The following MAP4K3 variants were observed in gnomAD, a reference collection of about 807,000 sequenced individuals.
MAP4K3 encodes the protein mitogen-activated protein kinase kinase kinase kinase 3, also known as MAPK/ERK kinase kinase kinase 3.
MAP4K3 carries 94 observed loss-of-function variants against 143.5 expected under a neutral mutation model. The ratio of observed to expected loss-of-function variants is 0.65; its 90% CI spans 0.55 to 0.78. The LOEUF (loss-of-function observed/expected upper bound fraction) is 0.78. Ranked by LOEUF, MAP4K3 falls within the 30% of genes least tolerant of loss-of-function variation. The pLI is 0.00. For missense variants in MAP4K3, 1,077 were observed against 1,068.1 expected, an observed-to-expected ratio of 1.01 and a Z score of -0.12; for synonymous variants, 416 against 347.2, an observed-to-expected ratio of 1.20 and a Z score of -2.20.
intron 1 of MAP4K3, among the ~76,000 whole-genome samples, chr2:39,424,761 G>T (rs1389756482): frequency 6.7e-6 from 1 of 149,518 alleles, no homozygotes; most frequent in East Asian, 2.0e-4. Flanking sequence ...AGCCCAGGAG[G>T]TTGAGGCTGC....
intron 2 of MAP4K3, among the ~76,000 whole-genome samples, chr2:39,362,328 A>G (rs149968760): frequency 3.1e-4 from 47 of 152,316 alleles, no homozygotes; most frequent in Middle Eastern, 6.8e-3. Flanking sequence ...ATGACATTGC[A>G]TATAGAAAGC....
At chr2:39,299,098 G>C (rs1423406432) in intron 16 of MAP4K3, among the ~76,000 whole-genome samples, 1 of 151,628 alleles carries the variant, frequency 6.6e-6, no homozygotes, top group Non-Finnish European at 1.5e-5. Flanking sequence ...CACAAACTTA[G>C]AAAATGAGAC....
At chr2:39,424,513 A>G (rs1429051756) in intron 1 of MAP4K3, among the ~76,000 whole-genome samples, 2 of 152,112 alleles carry the variant, frequency 1.3e-5, no homozygotes, top group Non-Finnish European at 2.9e-5. Context: ...CTGTGCCTTC[A>G]GTAAAGCAAA....
intron 1 of MAP4K3, among the ~76,000 whole-genome samples, chr2:39,393,441 T>C (rs1250368359): frequency 2.0e-5 from 3 of 152,218 alleles, no homozygotes; most frequent in South Asian, 4.1e-4. Flanking sequence ...AACCTATCCA[T>C]TTCAGAATCC....
chr2:39,254,471 A>C lies in MAP4K3; in HGVS notation c.2520T>G (p.Gly840=), dbSNP rs750265565. 1.3e-5 allele frequency: 21 copies of C among 1,613,808 alleles called. No homozygotes were observed. The highest frequency in any genetic ancestry group is 1.8e-5 in the Non-Finnish European group (21 of 1,179,912). The change falls in exon 32 of 34, where the codon GGT becomes GGG. Residue 840 remains glycine (G), a synonymous_variant. Coordinates refer to ENST00000263881, the MANE Select transcript of MAP4K3 (RefSeq NM_003618.4). ...VLAFWKHGMQ[G]RSFRSNEVTQ... is the part of the protein sequence containing the mutation. ...TTACCTCATTAGATCTAAAACTTCT[A>C]CCTTGCATTCCATGTTTCCAGAAAG...
At chr2:39,288,651 A>G (rs749908598) in intron 19 of MAP4K3, among the ~76,000 whole-genome samples, 2 of 152,206 alleles carry the variant, frequency 1.3e-5, no homozygotes, top group Non-Finnish European at 2.9e-5. Flanking sequence ...GACTAGTCAA[A>G]GTTCAGCTCC....
intron 24 of MAP4K3, among the ~76,000 whole-genome samples, chr2:39,276,311 C>G (rs1681251027): frequency 6.6e-6 from 1 of 152,234 alleles, no homozygotes; most frequent in African/African-American, 2.4e-5. Context: ...CTTTCTGTTA[C>G]TGTCAGGCAC....
At chr2:39,253,395 G>T (rs1332173775) in intron 32 of MAP4K3, among the ~76,000 whole-genome samples, 1 of 152,340 alleles carries the variant, frequency 6.6e-6, no homozygotes, top group Non-Finnish European at 1.5e-5. Flanking sequence ...GCCTCCCAAA[G>T]TGCTGAGTGT....
intron 21 of MAP4K3, among the ~76,000 whole-genome samples, chr2:39,282,919 T>C (rs546399881): frequency 6.6e-6 from 1 of 152,324 alleles, no homozygotes; most frequent in South Asian, 2.1e-4. Flanking sequence ...ATCTGCAGGA[T>C]CTTTGCCTTA....
intron 7 of MAP4K3, among the ~76,000 whole-genome samples, chr2:39,332,404 C>T (rs111229655): frequency 5.3e-5 from 8 of 152,134 alleles, no homozygotes; most frequent in African/African-American, 1.9e-4. Context: ...CCATGATTGA[C>T]ATCAGATAAA....
At chr2:39,330,363 C>G (rs1164805184) in intron 8 of MAP4K3, among the ~76,000 whole-genome samples, 1 of 152,016 alleles carries the variant, frequency 6.6e-6, no homozygotes, top group Non-Finnish European at 1.5e-5. Flanking sequence ...TAGAATTACC[C>G]ACCAAAATTA....
chr2:39,261,373 G>A (rs1680561024), intron 28 of MAP4K3, among the ~76,000 whole-genome samples: 1 of 151,688 alleles, frequency 6.6e-6, no homozygotes. Context: ...ACATTCTGAA[G>A]GACAAAAAAA....
At chr2:39,258,291 G>A in intron 31 of MAP4K3, 57 bp downstream of exon 31, 1 of 1,057,122 alleles carries the variant, frequency 9.5e-7, no homozygotes. Flanking sequence ...TGGATAATTA[G>A]CAGATAAATT....
chr2:39,330,943 G>A (rs1270487056), intron 8 of MAP4K3, among the ~76,000 whole-genome samples: 1 of 152,148 alleles, frequency 6.6e-6, no homozygotes, highest in African/African-American at 2.4e-5. Flanking sequence ...ATCTTCAACT[G>A]TCATAACGCA....
chr2:39,253,827 T>A (rs2148430876), intron 32 of MAP4K3, among the ~76,000 whole-genome samples: 1 of 152,316 alleles, frequency 6.6e-6, no homozygotes, highest in South Asian at 2.1e-4. Context: ...CTTGTTCATG[T>A]TTATAACCTC....
At chr2:39,281,871 ACT>A (rs1237897129) in intron 22 of MAP4K3, among the ~76,000 whole-genome samples, 1 of 151,496 alleles carries the variant, frequency 6.6e-6, no homozygotes, top group Non-Finnish European at 1.5e-5. Flanking sequence ...TATAAAGTAT[ACT>A]CTGTGCTAAT....
chr2:39,409,497 G>C lies in MAP4K3; in HGVS notation c.96+27395C>G, dbSNP rs1405744906. 3.9e-5 allele frequency among the ~76,000 whole-genome samples: 6 copies of C among 152,296 alleles called. No individual in the cohort carries two copies. The East Asian group carries it at 7.7e-4, about 20-fold the overall frequency. On this transcript the variant is annotated intron_variant, in intron 1 of 33. Transcript: ENST00000263881. ...TAGTCCCAGCTACTCTAGAGGCTGA[G>C]GCAGGAGAATCATTTGAACCCAGAA...
chr2:39,408,329 C>T (rs983321550), intron 1 of MAP4K3, among the ~76,000 whole-genome samples: 4 of 151,868 alleles, frequency 2.6e-5, no homozygotes, highest in African/African-American at 9.7e-5. Flanking sequence ...TCTACTTGAC[C>T]CAAGCACAAT....
intron 1 of MAP4K3, among the ~76,000 whole-genome samples, chr2:39,416,158 TTCAG>T (rs990987700): frequency 2.6e-5 from 4 of 151,036 alleles, no homozygotes; most frequent in African/African-American, 9.8e-5. Context: ...GTCAAAAATT[TTCAG>T]TCAGATGCTG....
Sources: gnomAD v4.1 joint callset for allele counts (sites outside exome capture counted in the v4.1 genomes callset) on GRCh38, gnomAD v4.1.1 for gene constraint, MANE v1.5 for transcripts, NCBI Gene and HGNC (gene_info 2026-07-23, HGNC 2026-07-21) for gene names.